Variants in TTYH3 observed in about 807,000 individuals in gnomAD.
TTYH3 encodes protein tweety homolog 3.
A neutral mutation model predicts 68.2 loss-of-function variants in TTYH3; 23 were observed. The observed-to-expected ratio is 0.34, with a 90% CI of 0.24 to 0.48. TTYH3 has a LOEUF of 0.48. Ranked by LOEUF, TTYH3 falls within the 20% of genes least tolerant of loss-of-function variation. The pLI, the probability that TTYH3 is intolerant of heterozygous loss-of-function variation, is 0.99. For synonymous variants in TTYH3, 360 were observed against 332.8 expected (o/e 1.08, Z -0.89); for missense variants, 768 against 727.7 (o/e 1.06, Z -0.64).
chr7:2,641,184 G>A (rs1785831574), intron 1 of TTYH3, among the ~76,000 whole-genome samples: 1 of 152,210 alleles, frequency 6.6e-6, no homozygotes, highest in Non-Finnish European at 1.5e-5. Context: ...CTGGCCCAGG[G>A]TATACTGGGA....
Position 2,632,222 on chromosome 7 carries a change from C to G in TTYH3, c.67C>G (p.Leu23Val), listed in dbSNP as rs1785540845. The change falls in exon 1 of 14, where the codon CTG (leucine) becomes GTG (valine). Residue 23 changes from leucine (L) to valine (V), a missense_variant. Leu to Val is a conservative substitution (Grantham distance 32, BLOSUM62 1). Transcript: ENST00000258796. ...CCTGCACCGGCTGCCCCACTTCGAC[C>G]TGAGCTGGGAGGCCACTAGCAGCCA... is the stretch of plus-strand genomic sequence containing the variant. ...SLLHRLPHFD[L>V]SWEATSSQFR... 6.3e-7 allele frequency: 1 copy of G among 1,581,488 alleles called. No individual in the cohort carries two copies. The highest frequency in any genetic ancestry group is 1.1e-5 in the South Asian group (1 of 87,090).
intron 13 of TTYH3, chr7:2,660,157 C>T (rs946739057): frequency 5.9e-6 from 7 of 1,184,350 alleles, no homozygotes; most frequent in African/African-American, 1.6e-5. Context: ...CTGTCCGGCT[C>T]CTGTTGGCAG....
rs577138602 is a variant in TTYH3, at chr7:2,652,984, G to A, written c.994G>A (p.Val332Ile). The A allele has an allele frequency of 8.3e-6, 13 of 1,574,604 alleles. No homozygotes were observed. The highest frequency in any genetic ancestry group is 1.3e-5 in the African/African-American group (1 of 74,762). ...QDVVAELLRT[V>I]PWEQPATKDP... is the part of the protein sequence containing the mutation. Reference sequence around the variant, plus strand: ...TGTCGTGGCTGAGCTTCTGAGGACCGTCCCCTGGGAGCAGCCGGCCACTAA... The same window carrying A: ...TGTCGTGGCTGAGCTTCTGAGGACCATCCCCTGGGAGCAGCCGGCCACTAA... The change falls in exon 9 of 14, where the codon GTC becomes ATC. Residue 332 changes from valine (V) to isoleucine (I), a missense_variant. By Grantham distance (29) the Val-to-Ile change is conservative (BLOSUM62 3). Transcript: ENST00000258796.
intron 1 of TTYH3, among the ~76,000 whole-genome samples, chr7:2,641,473 G>A (rs1291235858): frequency 2.6e-5 from 4 of 152,064 alleles, no homozygotes; most frequent in African/African-American, 4.8e-5. Context: ...GGAGGGGGTC[G>A]CCCCCAGCCC....
At position 2,648,072 on chromosome 7, in the gene TTYH3, G is replaced by A. The variant is rs113626282; in HGVS notation, c.722+18G>A. The A allele has an allele frequency of 6.6e-5, 105 of 1,600,718 alleles. 1 individual carries two copies. In the Middle Eastern group the frequency reaches 1.1e-3, roughly 16 times the overall value. ...CTGGTGGGGTGAGTCTGGGGGTGTCGGCCCCCCGTGGGCCCAAAGCGGAGG... is the reference window on the plus strand; with the variant it reads ...CTGGTGGGGTGAGTCTGGGGGTGTCAGCCCCCCGTGGGCCCAAAGCGGAGG... On this transcript the variant is annotated intron_variant, in intron 5 of 13. Transcript: ENST00000258796.
At chr7:2,636,147 G>A (rs960592812) in intron 1 of TTYH3, among the ~76,000 whole-genome samples, 1 of 152,208 alleles carries the variant, frequency 6.6e-6, no homozygotes, top group African/African-American at 2.4e-5. Flanking sequence ...CAACACCTCT[G>A]TCTGTGCCGC....
chr7:2,649,985 G>C lies in TTYH3; in HGVS notation c.868G>C (p.Gly290Arg), dbSNP rs746203767. The C allele has an allele frequency of 6.8e-6, 11 of 1,613,980 alleles. No individual in the cohort carries two copies. Among genetic ancestry groups the C allele is most frequent in the Middle Eastern group, 1.6e-4 (1 of 6,062 alleles). ...KMVEEYSVLS[G>R]DILQYYLACS... is the part of the protein sequence containing the mutation. Reference sequence around the variant, plus strand: ...GGTGGAGGAGTACTCGGTGCTGAGTGGGGGTGAGTCTGTGTCCACGGCCGT... The same window carrying C: ...GGTGGAGGAGTACTCGGTGCTGAGTCGGGGTGAGTCTGTGTCCACGGCCGT... Residue 290 changes from glycine to arginine, a missense_variant, in exon 7 of 14, where the codon GGG (glycine) becomes CGG (arginine). Physicochemically the swap from Gly to Arg is moderately radical, Grantham distance 125. Transcript: ENST00000258796.
At chr7:2,633,955 C>T (rs1485798678) in intron 1 of TTYH3, among the ~76,000 whole-genome samples, 2 of 152,236 alleles carry the variant, frequency 1.3e-5, no homozygotes, top group Non-Finnish European at 1.5e-5. Flanking sequence ...GTAGCCAGGC[C>T]CCTCTGCTCA....
intron 7 of TTYH3, among the ~76,000 whole-genome samples, chr7:2,650,348 C>T (rs1222133873): frequency 7.2e-5 from 11 of 152,072 alleles, no homozygotes; most frequent in African/African-American, 1.9e-4. Context: ...GAGGCCGAGG[C>T]GGGTGGATCA....
chr7:2,659,845 G>T, intron 13 of TTYH3: 4 of 1,233,740 alleles, frequency 3.2e-6, no homozygotes, highest in Non-Finnish European at 3.2e-6. Context: ...GCCATCACAC[G>T]GCCCACAGCC....
chr7:2,634,086 C>T (rs1399858498), intron 1 of TTYH3, among the ~76,000 whole-genome samples: 4 of 152,218 alleles, frequency 2.6e-5, no homozygotes, highest in African/African-American at 9.6e-5. Context: ...CACTCTCTCT[C>T]CTGCCTCATC....
At chr7:2,640,353 G>A (rs938879392) in intron 1 of TTYH3, among the ~76,000 whole-genome samples, 6 of 152,182 alleles carry the variant, frequency 3.9e-5, no homozygotes, top group Non-Finnish European at 5.9e-5. Flanking sequence ...GTAGCGGGGT[G>A]GGCAGCTGCT....
At chr7:2,635,308 C>T (rs1049768711) in intron 1 of TTYH3, among the ~76,000 whole-genome samples, 8 of 152,208 alleles carry the variant, frequency 5.3e-5, no homozygotes, top group African/African-American at 1.9e-4. Context: ...GCTAGAGCAT[C>T]GCAGGCCTGC....
intron 5 of TTYH3, 103 bp from the exon 6 acceptor site, chr7:2,649,464 G>A (rs1786099032): frequency 8.6e-7 from 1 of 1,167,948 alleles, no homozygotes; most frequent in South Asian, 1.3e-5. Flanking sequence ...TGTGTGGGCT[G>A]ACCCCTGATG....
At chr7:2,647,368 T>G (rs1406615014) in intron 3 of TTYH3, 50 bp from the exon 4 acceptor site, 1 of 1,466,404 alleles carries the variant, frequency 6.8e-7, no homozygotes, top group East Asian at 2.5e-5. Flanking sequence ...GCCCAGACTC[T>G]GGGGCGAGGC....
At position 2,658,330 on chromosome 7, in the gene TTYH3, G is replaced by T; in HGVS notation, c.1295G>T (p.Arg432Leu). The T allele has an allele frequency of 6.2e-7, 1 of 1,602,774 alleles. No homozygotes were observed. The highest frequency in any genetic ancestry group is 8.5e-7 in the Non-Finnish European group (1 of 1,174,752). ...DGEEEAAPGP[R>L]QAHDSLYRVH... The stretch of plus-strand genomic sequence containing the variant: ...GAGGAGGAGGCCGCTCCAGGGCCGC[G>T]GCAGGCGCACGACAGCCTCTACCGC... Residue 432 changes from arginine (R) to leucine (L), a missense_variant, in exon 12 of 14, where the codon CGG (arginine) becomes CTG (leucine). Coordinates refer to ENST00000258796, the MANE Select transcript of TTYH3 (RefSeq NM_025250.3).
chr7:2,635,232 T>G (rs569157470), intron 1 of TTYH3, among the ~76,000 whole-genome samples: 1 of 152,126 alleles, frequency 6.6e-6, no homozygotes, highest in Non-Finnish European at 1.5e-5. Context: ...GAGTCCTGAA[T>G]GTCAAGTGGG....
Position 2,646,709 on chromosome 7 carries a change from A to C in TTYH3, c.124-144A>C, listed in dbSNP as rs1785992439. 6.9e-6 allele frequency: 6 copies of C among 868,010 alleles called. No individual in the cohort carries two copies. The East Asian group carries it at 1.6e-4, about 23-fold the overall frequency. The allele number at this position is 868,010 out of a possible 1,614,324, so 53.8% of individuals were successfully genotyped here. A position where few individuals can be genotyped will look rare whatever the true frequency, so the allele number is the denominator to read the frequency against. On this transcript the variant is annotated intron_variant, in intron 1 of 13. Coordinates refer to ENST00000258796, the MANE Select transcript of TTYH3 (RefSeq NM_025250.3). ...GAGGTGGTGGGAGACTCCATGCCTC[A>C]CCTACAAGTCGGGGATGGGGCCCAC... is the stretch of plus-strand genomic sequence containing the variant.
At chr7:2,655,634 C>T (rs1332632646) in intron 9 of TTYH3, among the ~76,000 whole-genome samples, 1 of 152,262 alleles carries the variant, frequency 6.6e-6, no homozygotes, top group African/African-American at 2.4e-5. Flanking sequence ...CACGTAAGCA[C>T]CGGTGAGCAC....
Sources: allele counts gnomAD v4.1 joint callset (sites outside exome capture counted in the v4.1 genomes callset), GRCh38; gene constraint gnomAD v4.1.1; transcripts MANE v1.5; gene names NCBI Gene and HGNC (gene_info 2026-07-23, HGNC 2026-07-21).